The following ZNF747 variants were observed in gnomAD, a reference collection of about 807,000 sequenced individuals.
ZNF747 encodes KRAB domain-containing protein ZNF747.
A neutral mutation model predicts 13.4 loss-of-function variants in ZNF747; 14 were observed. The ratio of observed to expected loss-of-function variants is 1.04; its 90% CI spans 0.69 to 1.63. The LOEUF (loss-of-function observed/expected upper bound fraction) is 1.63, where lower values mean the gene tolerates loss of function less well. ZNF747 is among the 40% of genes most tolerant of loss of function. The pLI, the probability that ZNF747 is intolerant of heterozygous loss-of-function variation, is 0.00. For missense variants in ZNF747, 532 were observed against 477.9 expected (o/e 1.11, Z -1.05); for synonymous variants, 212 against 206.5 (o/e 1.03, Z -0.23).
At chr16:30,533,197 A>C (rs777745000) in intron 2 of ZNF747, 46 bp from the exon 3 acceptor site, 13 of 1,610,958 alleles carry the variant, frequency 8.1e-6, no homozygotes, top group African/African-American at 4.0e-5. Flanking sequence ...CATCCTGGTC[A>C]TTGAATCCCA....
intron 2 of ZNF747, 105 bp from the exon 3 acceptor site, chr16:30,533,256 G>C: frequency 7.8e-6 from 11 of 1,412,752 alleles, no homozygotes; most frequent in Non-Finnish European, 1.1e-5. Context: ...ACTGCTCCTA[G>C]GAGATGGAGG....
Position 30,534,181 on chromosome 16 carries a change from G to C in ZNF747, c.343+16C>G, listed in dbSNP as rs1351275946. On this transcript the variant is annotated intron_variant, in intron 2 of 2. Coordinates refer to ENST00000693075, the MANE Select transcript of ZNF747 (RefSeq NM_001305018.2). ...AACAGAGAAGTCCCCATGGGACTGA[G>C]CACCCGATACTCCACCTGGGTCCGC... 2 of 1,608,100 alleles carry C rather than the reference G, an allele frequency of 1.2e-6. No individual in the cohort carries two copies. Among genetic ancestry groups the C allele is most frequent in the East Asian group, 2.2e-5 (1 of 44,638 alleles).
chr16:30,533,191 C>CAATTG (rs2051405897), intron 2 of ZNF747, 40 bp from the exon 3 acceptor site: 1 of 1,611,252 alleles, frequency 6.2e-7, no homozygotes, highest in Non-Finnish European at 8.5e-7. Context: ...TTGGCTCATC[C>CAATTG]TGGTCATTGA....
At chr16:30,533,868 A>C (rs1050641942) in intron 2 of ZNF747, among the ~76,000 whole-genome samples, 1 of 151,920 alleles carries the variant, frequency 6.6e-6, no homozygotes, top group African/African-American at 2.4e-5. Context: ...CGGGAGTTCA[A>C]GACTGCAGTG....
Position 30,532,364 on chromosome 16 carries a change from A to G in ZNF747, c.*135T>C. The G allele has an allele frequency of 4.0e-6, 4 of 1,006,720 alleles. No homozygotes were observed. Among genetic ancestry groups the G allele is most frequent in the Non-Finnish European group, 5.8e-6 (4 of 688,870 alleles). 62.4% of individuals were successfully genotyped at this position (1,006,720 alleles called of 1,614,324 possible). A position where few individuals can be genotyped will look rare whatever the true frequency, so the allele number is the denominator to read the frequency against. ...TGGCAGAAGAGGCTGCTGAGAGCCC[A>G]AGATCAGACTGTCCGCACCCCAGGC... On this transcript the variant is annotated 3_prime_UTR_variant, in exon 3 of 3. Coordinates refer to ENST00000693075, the MANE Select transcript of ZNF747 (RefSeq NM_001305018.2).
intron 2 of ZNF747, 149 bp downstream of exon 2, chr16:30,534,048 G>T: frequency 8.3e-7 from 1 of 1,209,744 alleles, no homozygotes. Flanking sequence ...GCTGCATCCC[G>T]GAGCCAGGCA....
chr16:30,533,525 G>T (rs1371283853), intron 2 of ZNF747, among the ~76,000 whole-genome samples: 1 of 152,116 alleles, frequency 6.6e-6, no homozygotes, highest in African/African-American at 2.4e-5. Context: ...AAGAACTAAA[G>T]GAAGGAAATG....
Position 30,532,877 on chromosome 16 carries a change from G to T in ZNF747, c.618C>A (p.Gly206=). The change falls in exon 3 of 3, where the codon GGC becomes GGA. Residue 206 remains glycine (G), a synonymous_variant. Coordinates refer to ENST00000693075, the MANE Select transcript of ZNF747 (RefSeq NM_001305018.2). ...AGTCTGCGCAGTGGAAGGGCTTCTC[G>T]CCCCTGTGGCTGTAAATGTGCTCCA... ...TLVEHIYSHR[G]EKPFHCADCG... 2 of 1,593,440 alleles carry T rather than the reference G, an allele frequency of 1.3e-6. No homozygotes were observed. Among genetic ancestry groups the T allele is most frequent in the East Asian group, 2.2e-5 (1 of 44,464 alleles).
chr16:30,532,852 A>T lies in ZNF747; in HGVS notation c.643T>A (p.Cys215Ser), dbSNP rs1186474400. 3.8e-6 allele frequency: 6 copies of T among 1,586,832 alleles called. No individual in the cohort carries two copies. The highest frequency in any genetic ancestry group is 2.3e-5 in the South Asian group (2 of 88,444). Reference sequence around the variant, plus strand: ...GAAGCGTGGCCGAAGCCCTTGCCGCAGTCTGCGCAGTGGAAGGGCTTCTCG... The same window carrying T: ...GAAGCGTGGCCGAAGCCCTTGCCGCTGTCTGCGCAGTGGAAGGGCTTCTCG... ...RGEKPFHCAD[C>S]GKGFGHASSL... Residue 215 changes from cysteine (C) to serine (S), a missense_variant, in exon 3 of 3, where the codon TGC becomes AGC. Physicochemically the swap from Cys to Ser is moderately radical, Grantham distance 112. Transcript: ENST00000693075.
Position 30,534,467 on chromosome 16 carries a change from G to A in ZNF747, c.213C>T (p.Gly71=). The change falls in exon 1 of 3, where the codon GGC becomes GGT. Residue 71 remains glycine (G), a synonymous_variant. Coordinates refer to ENST00000693075, the MANE Select transcript of ZNF747 (RefSeq NM_001305018.2). The part of the protein sequence containing the change: ...LYRDVMRETY[G]HLGALGVGGS... ...GGCTCTCACCGAGCGCGCCCAGGTG[G>A]CCGTAGGTCTCCCGCATCACGTCCC... 6.3e-7 allele frequency: 1 copy of A among 1,597,186 alleles called. No individual in the cohort carries two copies. The highest frequency in any genetic ancestry group is 1.7e-5 in the Admixed American group (1 of 57,896).
In ZNF747 at chr16:30,532,298, A is replaced by C; in HGVS notation, c.*201T>G. On this transcript the variant is annotated 3_prime_UTR_variant, in exon 3 of 3. Transcript: ENST00000693075. ...TCTCACCTCAGCCCTGCCTCAGCAA[A>C]GGGGGCCTTGGAGAGCCCAGGGCAG... is the stretch of plus-strand genomic sequence containing the variant. 1 of 640,144 alleles carries C rather than the reference A, an allele frequency of 1.6e-6. No individual in the cohort carries two copies. The highest frequency in any genetic ancestry group is 2.7e-6 in the Non-Finnish European group (1 of 372,194). The allele number at this position is 640,144 out of a possible 1,614,324, so 39.7% of individuals were successfully genotyped here. A position where few individuals can be genotyped will look rare whatever the true frequency, so the allele number is the denominator to read the frequency against.
In ZNF747 at chr16:30,532,789, G is replaced by T. The variant is rs1476745162; in HGVS notation, c.706C>A (p.Arg236=). The part of the protein sequence containing the change: ...SKHRAIHRGE[R]PHRCPECGRA... ...CCACACTCGGGACAGCGGTGGGGCC[G>T]CTCCCCACGATGGATGGCCCGGTGT... is the stretch of plus-strand genomic sequence containing the variant. The change falls in exon 3 of 3, where the codon CGG becomes AGG. Residue 236 remains arginine (R), a synonymous_variant. Coordinates refer to ENST00000693075, the MANE Select transcript of ZNF747 (RefSeq NM_001305018.2). 4.5e-6 allele frequency: 7 copies of T among 1,555,616 alleles called. No homozygotes were observed. The highest frequency in any genetic ancestry group is 4.1e-5 in the African/African-American group (3 of 73,870).
chr16:30,533,021 C>T lies in ZNF747; in HGVS notation c.474G>A (p.Leu158=). 1 of 1,612,118 alleles carries T rather than the reference C, an allele frequency of 6.2e-7. No individual in the cohort carries two copies. The highest frequency in any genetic ancestry group is 1.1e-5 in the South Asian group (1 of 91,044). The change falls in exon 3 of 3, where the codon CTG becomes CTA. Residue 158 remains leucine, a synonymous_variant. Transcript: ENST00000693075. ...PQAPFAGLEQ[L]SKARRRSRPR... Reference sequence around the variant, plus strand: ...GGCGACTCCGGCGCCGGGCCTTGGACAGCTGCTCCAACCCGGCAAAGGGGG... The same window carrying T: ...GGCGACTCCGGCGCCGGGCCTTGGATAGCTGCTCCAACCCGGCAAAGGGGG...
At chr16:30,534,047 C>T in intron 2 of ZNF747, 150 bp downstream of exon 2, 1 of 1,207,334 alleles carries the variant, frequency 8.3e-7, no homozygotes, top group East Asian at 2.7e-5. Flanking sequence ...GGCTGCATCC[C>T]GGAGCCAGGC....
intron 2 of ZNF747, among the ~76,000 whole-genome samples, chr16:30,533,680 G>A (rs567506638): frequency 1.3e-4 from 20 of 151,060 alleles, no homozygotes; most frequent in African/African-American, 4.4e-4. Context: ...GGCCGAGATA[G>A]AGGATCGCTA....
chr16:30,533,280 C>G (rs1040626194), intron 2 of ZNF747, 129 bp from the exon 3 acceptor site: 8 of 1,240,480 alleles, frequency 6.4e-6, no homozygotes, highest in African/African-American at 4.5e-5. Flanking sequence ...GACACCTGTT[C>G]CTCGGCTGCA....
chr16:30,533,215 C>G, intron 2 of ZNF747, 64 bp from the exon 3 acceptor site: 1 of 1,601,524 alleles, frequency 6.2e-7, no homozygotes. Context: ...CCACAGCCCG[C>G]GTGGACAGGG....
In ZNF747 at chr16:30,534,469, C is replaced by G. The variant is rs765033526; in HGVS notation, c.211G>C (p.Gly71Arg). Residue 71 changes from glycine to arginine, a missense_variant, in exon 1 of 3, where the codon GGC becomes CGC. Transcript: ENST00000693075. Reference protein sequence around the residue: ...LYRDVMRETYGHLGALGVGGS... With the variant: ...LYRDVMRETYRHLGALGVGGS... ...CTCTCACCGAGCGCGCCCAGGTGGC[C>G]GTAGGTCTCCCGCATCACGTCCCGG... is the stretch of plus-strand genomic sequence containing the variant. The G allele has an allele frequency of 1.9e-6, 3 of 1,598,610 alleles. No homozygotes were observed. The highest frequency in any genetic ancestry group is 2.6e-6 in the Non-Finnish European group (3 of 1,173,364).
rs2051403660 is a variant in ZNF747 at position 30,533,096 on chromosome 16, C to A, written c.399G>T (p.Glu133Asp). 1 of 1,612,566 alleles carries A rather than the reference C, an allele frequency of 6.2e-7. No homozygotes were observed. Among genetic ancestry groups the A allele is most frequent in the South Asian group, 1.1e-5 (1 of 91,024 alleles). Residue 133 changes from glutamate to aspartate, a missense_variant, in exon 3 of 3, where the codon GAG (glutamate) becomes GAT (aspartate). By Grantham distance (45) the Glu-to-Asp change is conservative. Transcript: ENST00000693075. ...ERQREGTGAL[E>D]KPDPVAAGSP... is the part of the protein sequence containing the mutation. ...ACCCGGCGGCCACAGGGTCGGGCTT[C>A]TCCAGGGCTCCCGTCCCTTCCCTTT... is the stretch of plus-strand genomic sequence containing the variant.
Sources: gnomAD v4.1 joint callset for allele counts (sites outside exome capture counted in the v4.1 genomes callset) on GRCh38, gnomAD v4.1.1 for gene constraint, MANE v1.5 for transcripts, NCBI Gene and HGNC (gene_info 2026-07-23, HGNC 2026-07-21) for gene names.